PIGN: variants seen among roughly 807,000 people sequenced by gnomAD.
PIGN encodes the protein GPI ethanolamine phosphate transferase 1.
A neutral mutation model predicts 125.4 loss-of-function variants in PIGN; 117 were observed. The observed-to-expected ratio is 0.93, with a 90% CI of 0.80 to 1.09. PIGN has a LOEUF of 1.09. PIGN is among the 50% of genes least tolerant of loss of function. The pLI, the probability that PIGN is intolerant of heterozygous loss-of-function variation, is 0.00. For synonymous variants in PIGN, 392 were observed against 377.8 expected (o/e 1.04, Z -0.44); for missense variants, 1,075 against 1,094.9 (o/e 0.98, Z 0.26).
At position 62,113,232 on chromosome 18, in the gene PIGN, T is replaced by G; in HGVS notation, c.1336A>C (p.Asn446His). Residue 446 changes from asparagine to histidine, a missense_variant, in exon 16 of 31, where the codon AAT becomes CAT. Asn to His is a moderately conservative substitution (Grantham distance 68). Transcript: ENST00000640252. ...HTYDRFFLGV[N>H]VVIGFVGWIS... ...CATCCCACAAAACCAATAACAACAT[T>G]GACGCCCAAAAAGAATCTGTCATAT... 1 of 1,612,946 alleles carries G rather than the reference T, an allele frequency of 6.2e-7. No individual in the cohort carries two copies. The highest frequency in any genetic ancestry group is 1.7e-5 in the Admixed American group (1 of 59,968).
At chr18:62,176,661 T>C (rs1172958775) in intron 1 of PIGN, among the ~76,000 whole-genome samples, 5 of 151,812 alleles carry the variant, frequency 3.3e-5, no homozygotes, top group African/African-American at 9.7e-5. Context: ...ATATATCAGA[T>C]AGACCCAAAT....
rs78516766 is a variant in PIGN at position 62,066,736 on chromosome 18, C to T, written c.2672+5937G>A. 2.8e-3 allele frequency among the ~76,000 whole-genome samples: 421 copies of T among 152,316 alleles called. 4 individuals are homozygous for T. The highest frequency in any genetic ancestry group is 0.017 in the Admixed American group (262 of 15,296). On this transcript the variant is annotated intron_variant, in intron 30 of 30. Coordinates refer to ENST00000640252, the MANE Select transcript of PIGN (RefSeq NM_176787.5). The stretch of plus-strand genomic sequence containing the variant: ...GGAGGCTCTCTGCCTCTACTCTGCT[C>T]TGGGAATGAGTTAACTCCATTTGGG...
At chr18:62,073,675 C>A (rs75693546) in intron 29 of PIGN, among the ~76,000 whole-genome samples, 1,666 of 152,286 alleles carry the variant, frequency 0.011, 23 homozygotes, top group East Asian at 0.073. Context: ...TAATGGTTCA[C>A]CACCACACAA....
At chr18:62,183,682 C>T (rs537705372) in intron 1 of PIGN, among the ~76,000 whole-genome samples, 50 of 152,284 alleles carry the variant, frequency 3.3e-4, no homozygotes, top group Non-Finnish European at 5.6e-4. Flanking sequence ...CTCCAACACC[C>T]ATCAGAGTCT....
chr18:62,052,282 G>A (rs1372559891), intron 30 of PIGN: 5 of 151,540 alleles, frequency 3.3e-5, no homozygotes, highest in Admixed American at 2.6e-4. Flanking sequence ...TCGTTGATCT[G>A]TCTAATGTTG....
At chr18:62,057,898 T>A (rs1265519858) in intron 30 of PIGN, among the ~76,000 whole-genome samples, 2 of 152,176 alleles carry the variant, frequency 1.3e-5, no homozygotes, top group Non-Finnish European at 2.9e-5. Flanking sequence ...CTTAATAAAT[T>A]AATAAATAAA....
In PIGN at chr18:62,106,660, T is replaced by C. The variant is rs1461647995; in HGVS notation, c.1767+129A>G. On this transcript the variant is annotated intron_variant, in intron 19 of 30. Coordinates refer to ENST00000640252, the MANE Select transcript of PIGN (RefSeq NM_176787.5). ...CAGGTAATGTCAGTCCTCCTATCAA[T>C]ATGACTAGGCTCTTTTATGTAAGAA... 79 of 639,012 alleles carry C rather than the reference T, an allele frequency of 1.2e-4. 2 individuals carry two copies. The South Asian group carries it at 1.5e-3, about 12-fold the overall frequency. 39.6% of individuals were successfully genotyped at this position (639,012 alleles called of 1,614,324 possible).
chr18:62,097,649 G>A (rs1042995624), intron 22 of PIGN, among the ~76,000 whole-genome samples: 1 of 152,046 alleles, frequency 6.6e-6, no homozygotes, highest in Non-Finnish European at 1.5e-5. Flanking sequence ...TGCTTAATTA[G>A]GCATTTATAT....
chr18:62,069,063 A>G (rs2032692777), intron 30 of PIGN, among the ~76,000 whole-genome samples: 1 of 152,186 alleles, frequency 6.6e-6, no homozygotes, highest in Non-Finnish European at 1.5e-5. Context: ...CATCCCCAGC[A>G]ACTCTCCTAG....
intron 1 of PIGN, among the ~76,000 whole-genome samples, chr18:62,186,094 A>G (rs2037976644): frequency 7.9e-6 from 1 of 126,262 alleles, no homozygotes; most frequent in Non-Finnish European, 1.6e-5. Context: ...TCTGTCGCCC[A>G]GGCTGGAGTG....
At chr18:62,129,870 G>A (rs1472999254) in intron 14 of PIGN, among the ~76,000 whole-genome samples, 2 of 152,152 alleles carry the variant, frequency 1.3e-5, no homozygotes, top group Admixed American at 1.3e-4. Flanking sequence ...CCTGGTATCT[G>A]GGAATGTGAC....
In PIGN at chr18:62,174,044, T is replaced by C. The variant is rs1599689901; in HGVS notation, c.-235-10388A>G. 2.0e-5 allele frequency among the ~76,000 whole-genome samples: 3 copies of C among 152,012 alleles called. No homozygotes were observed. In the South Asian group the frequency reaches 6.2e-4, roughly 32 times the overall value. ...GCCTGACCAATGTGGTGAAACCCCATCTCTACTAAAAATACAAAAATTAGC... is the reference window on the plus strand; with the variant it reads ...GCCTGACCAATGTGGTGAAACCCCACCTCTACTAAAAATACAAAAATTAGC... On this transcript the variant is annotated intron_variant, in intron 1 of 30. Transcript: ENST00000640252.
downstream of PIGN, among the ~76,000 whole-genome samples, chr18:62,038,915 C>T (rs1599378533): frequency 7.1e-6 from 1 of 140,174 alleles, no homozygotes; most frequent in African/African-American, 2.8e-5. Context: ...GAGACCCTGT[C>T]TCAAAATAAT....
chr18:62,049,565 ATTTG>A (rs1786281758), intron 30 of PIGN, among the ~76,000 whole-genome samples: 3 of 150,676 alleles, frequency 2.0e-5, no homozygotes, highest in Admixed American at 1.3e-4. Context: ...TTTCTTGTAA[ATTTG>A]TTTGAGTTCA....
At chr18:62,089,073 G>A (rs3867262) in intron 24 of PIGN, among the ~76,000 whole-genome samples, 2 of 151,884 alleles carry the variant, frequency 1.3e-5, no homozygotes, top group Non-Finnish European at 2.9e-5. Context: ...CACAGTTGTA[G>A]TGTTGCTATA....
intron 9 of PIGN, 140 bp from the exon 10 acceptor site, chr18:62,146,165 C>A (rs766210182): frequency 1.7e-5 from 7 of 406,622 alleles, no homozygotes; most frequent in Non-Finnish European, 2.7e-5. Context: ...TGGTTACAAC[C>A]TTTTATGGCA....
intron 1 of PIGN, among the ~76,000 whole-genome samples, chr18:62,169,752 C>G (rs1383996078): frequency 6.6e-6 from 1 of 152,144 alleles, no homozygotes; most frequent in African/African-American, 2.4e-5. Context: ...TCCTGAGCAG[C>G]TGGGACCACA....
intron 30 of PIGN, among the ~76,000 whole-genome samples, chr18:62,049,421 T>A (rs1339305991): frequency 4.0e-5 from 6 of 150,742 alleles, no homozygotes; most frequent in South Asian, 2.1e-4. Context: ...GGTATCTCAT[T>A]GTGGTTTTGA....
intron 30 of PIGN, chr18:62,072,437 A>G (rs908194314): frequency 1.4e-5 from 5 of 354,484 alleles, no homozygotes; most frequent in Non-Finnish European, 2.6e-5. Flanking sequence ...GTGTAGATAC[A>G]TAAATACTTA....
Sources: gnomAD v4.1 joint callset for allele counts (sites outside exome capture counted in the v4.1 genomes callset) on GRCh38, gnomAD v4.1.1 for gene constraint, MANE v1.5 for transcripts, NCBI Gene and HGNC (gene_info 2026-07-23, HGNC 2026-07-21) for gene names.